GPR42: variants seen among roughly 807,000 people sequenced by gnomAD.
GPR42 encodes G protein-coupled receptor 42.
For synonymous variants in GPR42, 28 were observed against 140.4 expected (o/e 0.20, Z 5.66); for missense variants, 68 against 311.2 (o/e 0.22, Z 5.88).
Position 35,372,421 on chromosome 19 carries a change from G to A in GPR42, c.*21G>A, listed in dbSNP as rs1385196334. ...ACTAGGTCCTCCGGGGGAGGAGGGT[G>A]TAGCTGGCGTGTCATCCTCAGGGCG... is the stretch of plus-strand genomic sequence containing the variant. On this transcript the variant is annotated 3_prime_UTR_variant, in exon 2 of 2. Transcript: ENST00000454971. 5.5e-6 allele frequency: 8 copies of A among 1,448,688 alleles called. 2 individuals are homozygous for A. The East Asian group carries it at 1.0e-4, about 18-fold the overall frequency. The allele number at this position is 1,448,688 out of a possible 1,614,324, so 89.7% of individuals were successfully genotyped here.
rs1290428624 is a variant in GPR42, at chr19:35,371,295, G to T, written c.-11-54G>T. The T allele has an allele frequency of 5.1e-5, 25 of 490,216 alleles. 5 individuals carry two copies. Among genetic ancestry groups the T allele is most frequent in the Middle Eastern group, 1.0e-3 (2 of 2,008 alleles). 30.4% of individuals were successfully genotyped at this position (490,216 alleles called of 1,614,324 possible). On this transcript the variant is annotated intron_variant, in intron 1 of 1. Coordinates refer to ENST00000454971, the MANE Select transcript of GPR42 (RefSeq NM_001348195.2). ...TGCCCTTTTAGGGGAGATGCTGCTG[G>T]CCAGAGGCCGTTAGGGCCCCCACTA...
chr19:35,372,113 G>A lies in GPR42; in HGVS notation c.754G>A (p.Gly252Ser), dbSNP rs558890947. Reference protein sequence around the residue: ...NVSHVVGYICGESPVWRIYVT... With the variant: ...NVSHVVGYICSESPVWRIYVT... ...GTCCCATGTCGTGGGCTATATCTGC[G>A]GTGAAAGCCCGGTGTGGAGGATCTA... The change falls in exon 2 of 2, where the codon GGT becomes AGT. Residue 252 changes from glycine (G) to serine (S), a missense_variant. By Grantham distance (56) the Gly-to-Ser change is moderately conservative. Coordinates refer to ENST00000454971, the MANE Select transcript of GPR42 (RefSeq NM_001348195.2). The A allele has an allele frequency of 8.4e-6, 7 of 834,650 alleles. 3 individuals are homozygous for A. The highest frequency in any genetic ancestry group is 1.2e-5 in the Non-Finnish European group (7 of 591,870). The allele number at this position is 834,650 out of a possible 1,614,324, so 51.7% of individuals were successfully genotyped here.
rs148192447 is a variant in GPR42 at position 35,371,520 on chromosome 19, T to C, written c.161T>C (p.Leu54Pro). 3.4e-6 allele frequency: 3 copies of C among 888,448 alleles called. No homozygotes were observed. The highest frequency in any genetic ancestry group is 4.0e-5 in the African/African-American group (2 of 49,562). The allele number at this position is 888,448 out of a possible 1,614,324, so 55.0% of individuals were successfully genotyped here. Residue 54 changes from leucine to proline, a missense_variant, in exon 2 of 2, where the codon CTG becomes CCG. Leu to Pro is a moderately conservative substitution (Grantham distance 98, BLOSUM62 -3). Coordinates refer to ENST00000454971, the MANE Select transcript of GPR42 (RefSeq NM_001348195.2). ...CGCCCGGTGGCCGTGGACGTGCTCC[T>C]GCTCAACCTGACCGCCTCGGACCTG... Reference protein sequence around the residue: ...RCRPVAVDVLLLNLTASDLLL... With the variant: ...RCRPVAVDVLPLNLTASDLLL...
rs907079279 is a variant in GPR42, at chr19:35,371,231, AGGC to A, written c.-12+114_-11-115del. The A allele has an allele frequency of 1.2e-5, 5 of 402,348 alleles. 1 individual carries two copies. Among genetic ancestry groups the A allele is most frequent in the African/African-American group, 4.9e-5 (2 of 40,656 alleles). 24.9% of individuals were successfully genotyped at this position (402,348 alleles called of 1,614,324 possible). A position where few individuals can be genotyped will look rare whatever the true frequency, so the allele number is the denominator to read the frequency against. On this transcript the variant is annotated intron_variant, in intron 1 of 1. Transcript: ENST00000454971. The stretch of plus-strand genomic sequence containing the variant: ...GACAGGCAGGCTGACCCCGCCTGGA[AGGC>A]ACCCAGAGACAAGAGGGGTGGGCGT...
At position 35,371,512 on chromosome 19, in the gene GPR42, C is replaced by T. The variant is rs773826615; in HGVS notation, c.153C>T (p.Asp51=). 154 of 884,412 alleles carry T rather than the reference C, an allele frequency of 1.7e-4. 57 individuals are homozygous for T. Among genetic ancestry groups the T allele is most frequent in the Non-Finnish European group, 1.4e-4 (91 of 629,390 alleles). The allele number at this position is 884,412 out of a possible 1,614,324, so 54.8% of individuals were successfully genotyped here. Residue 51 remains aspartate, a synonymous_variant, in exon 2 of 2, where the codon GAC becomes GAT. Transcript: ENST00000454971. ...GKLRCRPVAV[D]VLLLNLTASD... ...TGCGGTGCCGCCCGGTGGCCGTGGA[C>T]GTGCTCCTGCTCAACCTGACCGCCT... is the stretch of plus-strand genomic sequence containing the variant.
rs561224747 is a variant in GPR42, at chr19:35,371,506, C to T, written c.147C>T (p.Ala49=). 5.7e-5 allele frequency: 50 copies of T among 880,834 alleles called. 13 individuals carry two copies. The African/African-American group carries it at 6.6e-4, about 12-fold the overall frequency. The allele number at this position is 880,834 out of a possible 1,614,324, so 54.6% of individuals were successfully genotyped here. The change falls in exon 2 of 2, where the codon GCC becomes GCT. Residue 49 remains alanine (A), a synonymous_variant. Coordinates refer to ENST00000454971, the MANE Select transcript of GPR42 (RefSeq NM_001348195.2). The part of the protein sequence containing the change: ...FVGKLRCRPV[A]VDVLLLNLTA... ...GCAAGCTGCGGTGCCGCCCGGTGGCCGTGGACGTGCTCCTGCTCAACCTGA... is the reference window on the plus strand; with the variant it reads ...GCAAGCTGCGGTGCCGCCCGGTGGCTGTGGACGTGCTCCTGCTCAACCTGA...
At position 35,371,499 on chromosome 19, in the gene GPR42, C is replaced by T. The variant is rs1181712311; in HGVS notation, c.140C>T (p.Pro47Leu). The change falls in exon 2 of 2, where the codon CCG (proline) becomes CTG (leucine). Residue 47 changes from proline to leucine, a missense_variant. By Grantham distance (98) the Pro-to-Leu change is moderately conservative. Coordinates refer to ENST00000454971, the MANE Select transcript of GPR42 (RefSeq NM_001348195.2). Reference sequence around the variant, plus strand: ...TTCGTGGGCAAGCTGCGGTGCCGCCCGGTGGCCGTGGACGTGCTCCTGCTC... The same window carrying T: ...TTCGTGGGCAAGCTGCGGTGCCGCCTGGTGGCCGTGGACGTGCTCCTGCTC... ...VVFVGKLRCR[P>L]VAVDVLLLNL... 4 of 879,942 alleles carry T rather than the reference C, an allele frequency of 4.5e-6. 1 individual carries two copies. The highest frequency in any genetic ancestry group is 4.8e-6 in the Non-Finnish European group (3 of 626,310). 54.5% of individuals were successfully genotyped at this position (879,942 alleles called of 1,614,324 possible).
rs753011873 is a variant in GPR42 at position 35,372,197 on chromosome 19, T to C, written c.838T>C (p.Ser280Pro). The C allele has an allele frequency of 7.6e-6, 9 of 1,181,650 alleles. No individual in the cohort carries two copies. Among genetic ancestry groups the C allele is most frequent in the Non-Finnish European group, 8.3e-6 (7 of 838,486 alleles). 73.2% of individuals were successfully genotyped at this position (1,181,650 alleles called of 1,614,324 possible). ...CGACCCCTTTGTCTACTACTTCTCCTCCTCCGGGTTCCAAGCCGACTTTCA... is the reference window on the plus strand; with the variant it reads ...CGACCCCTTTGTCTACTACTTCTCCCCCTCCGGGTTCCAAGCCGACTTTCA... Reference protein sequence around the residue: ...CVDPFVYYFSSSGFQADFHEL... With the variant: ...CVDPFVYYFSPSGFQADFHEL... Residue 280 changes from serine (S) to proline (P), a missense_variant, in exon 2 of 2, where the codon TCC (serine) becomes CCC (proline). Transcript: ENST00000454971.
chr19:35,371,821 A>G lies in GPR42; in HGVS notation c.462A>G (p.Glu154=). The stretch of plus-strand genomic sequence containing the variant: ...ACTGCAGCGTGGTCTACGTCATAGA[A>G]TTCTCAGGGGACATCTCCCACAGCC... ...SAHCSVVYVI[E]FSGDISHSQG... is the part of the protein sequence containing the mutation. Residue 154 remains glutamate (E), a synonymous_variant, in exon 2 of 2, where the codon GAA becomes GAG. Transcript: ENST00000454971. The G allele has an allele frequency of 1.2e-6, 1 of 854,596 alleles. No homozygotes were observed. Among genetic ancestry groups the G allele is most frequent in the South Asian group, 1.6e-5 (1 of 63,688 alleles). 52.9% of individuals were successfully genotyped at this position (854,596 alleles called of 1,614,324 possible). A position where few individuals can be genotyped will look rare whatever the true frequency, so the allele number is the denominator to read the frequency against.
chr19:35,372,375 G>A lies in GPR42; in HGVS notation c.1016G>A (p.Gly339Asp), dbSNP rs552401595. 1.4e-5 allele frequency: 21 copies of A among 1,466,436 alleles called. 2 individuals carry two copies. The East Asian group carries it at 4.3e-4, about 30-fold the overall frequency. The allele number at this position is 1,466,436 out of a possible 1,614,324, so 90.8% of individuals were successfully genotyped here. The change falls in exon 2 of 2, where the codon GGC becomes GAC. Residue 339 changes from glycine to aspartate, a missense_variant. Physicochemically the swap from Gly to Asp is moderately conservative, Grantham distance 94 (BLOSUM62 -1). Coordinates refer to ENST00000454971, the MANE Select transcript of GPR42 (RefSeq NM_001348195.2). ...SEHSQGCGTG[G>D]QVACAEN Reference sequence around the variant, plus strand: ...CACTCACAGGGCTGTGGAACTGGTGGCCAGGTGGCCTGTGCTGAAAACTAG... The same window carrying A: ...CACTCACAGGGCTGTGGAACTGGTGACCAGGTGGCCTGTGCTGAAAACTAG...
In GPR42 at chr19:35,372,015, G is replaced by GTA. The variant is rs1599709997; in HGVS notation, c.656_657insTA (p.Gln220SerfsTer43). The GTA allele has an allele frequency of 2.3e-6, 2 of 873,102 alleles. No individual in the cohort carries two copies. The highest frequency in any genetic ancestry group is 3.1e-6 in the Non-Finnish European group (2 of 643,072). 54.1% of individuals were successfully genotyped at this position (873,102 alleles called of 1,614,324 possible). On this transcript the variant is annotated frameshift_variant, in exon 2 of 2. Transcript: ENST00000454971. LOFTEE classifies it low-confidence loss of function (END_TRUNC). ...CTCGGCAGAGGGGGCAGCCACCGCCGGCAGAGGAGGGTGGCGGGGCTGGTG... is the reference window on the plus strand; with the variant it reads ...CTCGGCAGAGGGGGCAGCCACCGCCGTAGCAGAGGAGGGTGGCGGGGCTGGTG...
rs374628840 is a variant in GPR42, at chr19:35,372,379, G to A, written c.1020G>A (p.Gln340=). 1.5e-5 allele frequency: 22 copies of A among 1,469,094 alleles called. No individual in the cohort carries two copies. The African/African-American group carries it at 1.9e-4, about 13-fold the overall frequency. The allele number at this position is 1,469,094 out of a possible 1,614,324, so 91.0% of individuals were successfully genotyped here. A position where few individuals can be genotyped will look rare whatever the true frequency, so the allele number is the denominator to read the frequency against. ...CACAGGGCTGTGGAACTGGTGGCCA[G>A]GTGGCCTGTGCTGAAAACTAGGTCC... ...EHSQGCGTGG[Q]VACAEN is the part of the protein sequence containing the mutation. Residue 340 remains glutamine, a synonymous_variant, in exon 2 of 2, where the codon CAG becomes CAA. Coordinates refer to ENST00000454971, the MANE Select transcript of GPR42 (RefSeq NM_001348195.2).
At position 35,372,880 on chromosome 19, in the gene GPR42, A is replaced by C. The variant is rs2067028098; in HGVS notation, c.*480A>C. 1 of 220,372 alleles carries C rather than the reference A, an allele frequency of 4.5e-6. No individual in the cohort carries two copies. The highest frequency in any genetic ancestry group is 1.0e-5 in the Non-Finnish European group (1 of 98,282). 13.7% of individuals were successfully genotyped at this position (220,372 alleles called of 1,614,324 possible). The stretch of plus-strand genomic sequence containing the variant: ...TTTTCCAGAAAGTTCCCATTGCTCA[A>C]TAAATGTGGATCATCAGAGACATTT... On this transcript the variant is annotated 3_prime_UTR_variant, in exon 2 of 2. Coordinates refer to ENST00000454971, the MANE Select transcript of GPR42 (RefSeq NM_001348195.2).
chr19:35,372,159 T>C lies in GPR42; in HGVS notation c.800T>C (p.Leu267Pro). The change falls in exon 2 of 2, where the codon CTG (leucine) becomes CCG (proline). Residue 267 changes from leucine (L) to proline (P), a missense_variant. Leu to Pro is a moderately conservative substitution (Grantham distance 98). Transcript: ENST00000454971. Reference sequence around the variant, plus strand: ...ATCTACGTGACGCTTCTCAGCACCCTGAACTCCTGTGTCGACCCCTTTGTC... The same window carrying C: ...ATCTACGTGACGCTTCTCAGCACCCCGAACTCCTGTGTCGACCCCTTTGTC... ...WRIYVTLLST[L>P]NSCVDPFVYY... The C allele has an allele frequency of 3.1e-6, 3 of 973,348 alleles. 1 individual carries two copies. The highest frequency in any genetic ancestry group is 4.4e-6 in the Non-Finnish European group (3 of 677,044). 60.3% of individuals were successfully genotyped at this position (973,348 alleles called of 1,614,324 possible).
rs746199193 is a variant in GPR42 at position 35,371,489 on chromosome 19, C to T, written c.130C>T (p.Arg44Trp). ...CCTGGTGGTCTTCGTGGGCAAGCTGCGGTGCCGCCCGGTGGCCGTGGACGT... is the reference window on the plus strand; with the variant it reads ...CCTGGTGGTCTTCGTGGGCAAGCTGTGGTGCCGCCCGGTGGCCGTGGACGT... ...LALVVFVGKL[R>W]CRPVAVDVLL... Residue 44 changes from arginine to tryptophan, a missense_variant, in exon 2 of 2, where the codon CGG (arginine) becomes TGG (tryptophan). Transcript: ENST00000454971. 2.3e-5 allele frequency: 20 copies of T among 882,546 alleles called. 7 individuals carry two copies. Among genetic ancestry groups the T allele is most frequent in the Middle Eastern group, 2.5e-4 (1 of 3,950 alleles). The allele number at this position is 882,546 out of a possible 1,614,324, so 54.7% of individuals were successfully genotyped here.
Position 35,372,453 on chromosome 19 carries a change from C to T in GPR42, c.*53C>T. On this transcript the variant is annotated 3_prime_UTR_variant, in exon 2 of 2. Coordinates refer to ENST00000454971, the MANE Select transcript of GPR42 (RefSeq NM_001348195.2). ...GCGTGTCATCCTCAGGGCGCTTCCT[C>T]GCTCACGCCAGGAGGGACTTGGAGT... 6.6e-6 allele frequency: 9 copies of T among 1,354,426 alleles called. No homozygotes were observed. Among genetic ancestry groups the T allele is most frequent in the South Asian group, 6.1e-5 (5 of 81,846 alleles). 83.9% of individuals were successfully genotyped at this position (1,354,426 alleles called of 1,614,324 possible). A position where few individuals can be genotyped will look rare whatever the true frequency, so the allele number is the denominator to read the frequency against.
chr19:35,371,512 C>G lies in GPR42; in HGVS notation c.153C>G (p.Asp51Glu). The G allele has an allele frequency of 3.4e-6, 3 of 884,498 alleles. 1 individual carries two copies. The South Asian group carries it at 4.8e-5, about 14-fold the overall frequency. The allele number at this position is 884,498 out of a possible 1,614,324, so 54.8% of individuals were successfully genotyped here. A position where few individuals can be genotyped will look rare whatever the true frequency, so the allele number is the denominator to read the frequency against. Residue 51 changes from aspartate to glutamate, a missense_variant, in exon 2 of 2, where the codon GAC (aspartate) becomes GAG (glutamate). Transcript: ENST00000454971. ...GKLRCRPVAV[D>E]VLLLNLTASD... ...TGCGGTGCCGCCCGGTGGCCGTGGACGTGCTCCTGCTCAACCTGACCGCCT... is the reference window on the plus strand; with the variant it reads ...TGCGGTGCCGCCCGGTGGCCGTGGAGGTGCTCCTGCTCAACCTGACCGCCT...
At position 35,372,284 on chromosome 19, in the gene GPR42, C is replaced by G. The variant is rs2145704622; in HGVS notation, c.925C>G (p.Leu309Val). The G allele has an allele frequency of 7.8e-7, 1 of 1,287,688 alleles. No individual in the cohort carries two copies. Among genetic ancestry groups the G allele is most frequent in the South Asian group, 1.2e-5 (1 of 82,988 alleles). 79.8% of individuals were successfully genotyped at this position (1,287,688 alleles called of 1,614,324 possible). Residue 309 changes from leucine to valine, a missense_variant, in exon 2 of 2, where the codon CTG (leucine) becomes GTG (valine). Physicochemically the swap from Leu to Val is conservative, Grantham distance 32. Transcript: ENST00000454971. ...GTGGCAGCAGGAGAGCAGCATGGAGCTGAAGGAGCAGAAGGGAGGGGAGGA... is the reference window on the plus strand; with the variant it reads ...GTGGCAGCAGGAGAGCAGCATGGAGGTGAAGGAGCAGAAGGGAGGGGAGGA... ...GQWQQESSME[L>V]KEQKGGEEQR...
In GPR42 at chr19:35,372,444, G is replaced by A; in HGVS notation, c.*44G>A. 1 of 1,391,482 alleles carries A rather than the reference G, an allele frequency of 7.2e-7. No individual in the cohort carries two copies. Among genetic ancestry groups the A allele is most frequent in the Non-Finnish European group, 1.0e-6 (1 of 1,003,496 alleles). 86.2% of individuals were successfully genotyped at this position (1,391,482 alleles called of 1,614,324 possible). A position where few individuals can be genotyped will look rare whatever the true frequency, so the allele number is the denominator to read the frequency against. On this transcript the variant is annotated 3_prime_UTR_variant, in exon 2 of 2. Transcript: ENST00000454971. ...GTGTAGCTGGCGTGTCATCCTCAGG[G>A]CGCTTCCTCGCTCACGCCAGGAGGG... is the stretch of plus-strand genomic sequence containing the variant.
Sources: gnomAD v4.1 joint callset for allele counts on GRCh38, gnomAD v4.1.1 for gene constraint, MANE v1.5 for transcripts, NCBI Gene and HGNC (gene_info 2026-07-23, HGNC 2026-07-21) for gene names.